The following GSAP variants were observed in gnomAD, a reference collection of about 807,000 sequenced individuals.
GSAP encodes gamma-secretase activating protein.
A neutral mutation model predicts 131.7 loss-of-function variants in GSAP; 118 were observed. That is an observed-to-expected ratio of 0.90 (90% CI 0.77 to 1.04). GSAP has a LOEUF of 1.04. Ranked by LOEUF, GSAP falls within the 50% of genes least tolerant of loss-of-function variation. The pLI is 0.00. For synonymous variants in GSAP, 381 were observed against 363.4 expected, an observed-to-expected ratio of 1.05 and a Z score of -0.55; for missense variants, 1,019 against 1,013.2, an observed-to-expected ratio of 1.01 and a Z score of -0.08.
rs1301529771 is a variant in GSAP, at chr7:77,314,401, G to A, written c.2178C>T (p.Leu726=). Residue 726 remains leucine, a synonymous_variant, in exon 27 of 31, where the codon CTC becomes CTT. Transcript: ENST00000257626. ...LHCIDSGVLL[L]TETAVIRLMK... is the part of the protein sequence containing the mutation. ...TGAGCCTTATGACAGCTGTTTCAGTGAGAAGCAACACTCCACTGTCAATGC... is the reference window on the plus strand; with the variant it reads ...TGAGCCTTATGACAGCTGTTTCAGTAAGAAGCAACACTCCACTGTCAATGC... The A allele has an allele frequency of 2.5e-6, 4 of 1,613,764 alleles. No individual in the cohort carries two copies. Among genetic ancestry groups the A allele is most frequent in the Non-Finnish European group, 3.4e-6 (4 of 1,179,754 alleles).
chr7:77,402,420 A>ATATC (rs1801479231), intron 3 of GSAP, among the ~76,000 whole-genome samples: 1 of 146,678 alleles, frequency 6.8e-6, no homozygotes, highest in South Asian at 2.1e-4. Context: ...AAATATATAT[A>ATATC]TATACACACA....
chr7:77,411,792 G>C (rs1279977822), intron 1 of GSAP, among the ~76,000 whole-genome samples: 1 of 152,040 alleles, frequency 6.6e-6, no homozygotes, highest in East Asian at 1.9e-4. Flanking sequence ...AAAAAGCAAA[G>C]GGCATACAAT....
chr7:77,368,224 G>A (rs894007449), intron 12 of GSAP, among the ~76,000 whole-genome samples: 1 of 152,054 alleles, frequency 6.6e-6, no homozygotes, highest in Non-Finnish European at 1.5e-5. Flanking sequence ...ATTCTCCATG[G>A]GTTAAGTTGT....
intron 19 of GSAP, among the ~76,000 whole-genome samples, chr7:77,340,466 G>A (rs1167447625): frequency 1.3e-5 from 2 of 152,092 alleles, no homozygotes; most frequent in Non-Finnish European, 2.9e-5. Flanking sequence ...ACAACCTTGG[G>A]TCCTCAGACC....
chr7:77,339,570 A>G (rs1181349232), intron 19 of GSAP, among the ~76,000 whole-genome samples: 1 of 152,188 alleles, frequency 6.6e-6, no homozygotes, highest in Non-Finnish European at 1.5e-5. Context: ...AGAGCCCCCA[A>G]GCATGTGTGG....
chr7:77,377,258 A>AAAAAAAAAAAAAAG, intron 9 of GSAP, 28 bp downstream of exon 9: 3 of 1,400,740 alleles, frequency 2.1e-6, no homozygotes, highest in African/African-American at 1.5e-5. Context: ...AAAAAAAAAA[A>AAAAAAAAAAAAAAG]GGAGTGCCCG....
At chr7:77,351,455 AAAAT>A (rs1457002136) in intron 18 of GSAP, 1 of 984,360 alleles carries the variant, frequency 1.0e-6, no homozygotes, top group Non-Finnish European at 1.2e-6. Flanking sequence ...AGATAAGAGA[AAAAT>A]AAATGATTTG....
intron 12 of GSAP, among the ~76,000 whole-genome samples, chr7:77,371,219 TC>T (rs1563052505): frequency 6.6e-6 from 1 of 152,198 alleles, no homozygotes; most frequent in Non-Finnish European, 1.5e-5. Context: ...TACTGTTCAC[TC>T]ATTTGCTGAT....
At chr7:77,331,187 G>C (rs1024806710) in intron 19 of GSAP, among the ~76,000 whole-genome samples, 8 of 152,306 alleles carry the variant, frequency 5.3e-5, no homozygotes, top group African/African-American at 1.9e-4. Context: ...TGTAGTCCCA[G>C]CTACTCAGGA....
chr7:77,321,271 G>A (rs1787607274), intron 25 of GSAP, 62 bp downstream of exon 25: 5 of 1,011,764 alleles, frequency 4.9e-6, no homozygotes, highest in Non-Finnish European at 1.6e-6. Context: ...AAAGGGTTTT[G>A]CTACAACAGA....
chr7:77,320,826 A>C lies in GSAP; in HGVS notation c.1995-7T>G. The C allele has an allele frequency of 1.3e-6, 2 of 1,560,774 alleles. No individual in the cohort carries two copies. Among genetic ancestry groups the C allele is most frequent in the Non-Finnish European group, 1.8e-6 (2 of 1,131,998 alleles). On this transcript the variant is annotated splice_region_variant and splice_polypyrimidine_tract_variant and intron_variant, in intron 25 of 30. Coordinates refer to ENST00000257626, the MANE Select transcript of GSAP (RefSeq NM_017439.4). ...AGCACTGCCACGACTATTGCTGGGTAAAAAAAACAAAGCAGCATGTCAGCC... is the reference window on the plus strand; with the variant it reads ...AGCACTGCCACGACTATTGCTGGGTCAAAAAAACAAAGCAGCATGTCAGCC...
At chr7:77,317,522 A>G (rs1345234703) in intron 26 of GSAP, among the ~76,000 whole-genome samples, 2 of 152,212 alleles carry the variant, frequency 1.3e-5, no homozygotes, top group African/African-American at 4.8e-5. Context: ...AACTTAAAGT[A>G]TAATTAAAAA....
intron 14 of GSAP, among the ~76,000 whole-genome samples, chr7:77,356,920 A>C (rs1331886985): frequency 1.3e-5 from 2 of 152,232 alleles, no homozygotes; most frequent in African/African-American, 4.8e-5. Flanking sequence ...CTTTCAGTCA[A>C]CGTGGATTAA....
At chr7:77,350,940 A>T (rs1792773448) in intron 18 of GSAP, 1 of 162,304 alleles carries the variant, frequency 6.2e-6, no homozygotes, top group Non-Finnish European at 1.3e-5. Flanking sequence ...TAATTATGTA[A>T]TTAGCCTCTC....
At chr7:77,416,533 G>C, upstream of GSAP, 1 of 397,334 alleles carries the variant, frequency 2.5e-6, no homozygotes, top group Non-Finnish European at 4.5e-6. Flanking sequence ...AGCCGGAGCC[G>C]GGCACGGCGG....
intron 18 of GSAP, among the ~76,000 whole-genome samples, chr7:77,352,484 G>C (rs1370977224): frequency 6.6e-6 from 1 of 152,194 alleles, no homozygotes; most frequent in African/African-American, 2.4e-5. Context: ...GGGTGAATGT[G>C]CCTAAGATTG....
At chr7:77,343,952 C>T (rs1791402987) in intron 19 of GSAP, among the ~76,000 whole-genome samples, 1 of 152,120 alleles carries the variant, frequency 6.6e-6, no homozygotes, top group South Asian at 2.1e-4. Flanking sequence ...ATTGTTTAGG[C>T]CCCCTCCCTT....
At chr7:77,411,818 G>A (rs1803332333) in intron 1 of GSAP, among the ~76,000 whole-genome samples, 1 of 152,156 alleles carries the variant, frequency 6.6e-6, no homozygotes, top group Non-Finnish European at 1.5e-5. Context: ...AGACACTCGT[G>A]AAGAATACTA....
intron 19 of GSAP, chr7:77,330,749 G>GTGCCA (rs1287744605): frequency 2.0e-6 from 2 of 986,742 alleles, no homozygotes; most frequent in Non-Finnish European, 2.4e-6. Context: ...GGTGTCAACA[G>GTGCCA]TGCCATGTTC....
Sources: allele counts gnomAD v4.1 joint callset (sites outside exome capture counted in the v4.1 genomes callset), GRCh38; gene constraint gnomAD v4.1.1; transcripts MANE v1.5; gene names NCBI Gene and HGNC (gene_info 2026-07-23, HGNC 2026-07-21).